RNF6: variants seen among roughly 807,000 people sequenced by gnomAD.
RNF6 encodes ring finger protein 6.
In RNF6, 21 loss-of-function variants were observed where a neutral mutation model predicts 50.1. The ratio of observed to expected loss-of-function variants is 0.42; its 90% CI spans 0.30 to 0.60. The LOEUF (loss-of-function observed/expected upper bound fraction) is 0.60, where lower values mean the gene tolerates loss of function less well. Ranked by LOEUF, RNF6 falls within the 20% of genes least tolerant of loss-of-function variation. RNF6 has a pLI of 0.20. For missense variants in RNF6, 698 were observed against 838.2 expected, an observed-to-expected ratio of 0.83 and a Z score of 2.07; for synonymous variants, 255 against 291.8, an observed-to-expected ratio of 0.87 and a Z score of 1.29.
rs530313740 is a variant in RNF6, at chr13:26,197,843, G to A, written n.768+17631C>T. On this transcript the variant is annotated intron_variant and non_coding_transcript_variant, in intron 5 of 5. Coordinates refer to the RNF6 transcript ENST00000468480. ...GACTGAGACCATCCTGGCTAACATG[G>A]TGAAACCCCGTCTGTTCTCTGATCA... Among the ~76,000 whole-genome samples the A allele has an allele frequency of 7.5e-4, 114 of 151,884 alleles. 1 individual carries two copies. Among genetic ancestry groups the A allele is most frequent in the Middle Eastern group, 3.4e-3 (1 of 294 alleles).
At chr13:26,176,437 G>A (rs1449805334) in intron 5 of RNF6, among the ~76,000 whole-genome samples, 1 of 152,160 alleles carries the variant, frequency 6.6e-6, no homozygotes, top group Non-Finnish European at 1.5e-5. Context: ...TTACAGGCAT[G>A]AGCCACTCCA....
intron 3 of RNF6, 172 bp downstream of exon 3, chr13:26,219,285 G>A: frequency 1.8e-6 from 1 of 550,618 alleles, no homozygotes; most frequent in South Asian, 3.3e-5. Flanking sequence ...ATAAAATACA[G>A]AAGCCAGTGA....
intron 5 of RNF6, among the ~76,000 whole-genome samples, chr13:26,163,858 T>C (rs903808701): frequency 6.6e-6 from 1 of 152,232 alleles, no homozygotes. Context: ...GGTTTTATTC[T>C]GACCCTGCCG....
At chr13:26,177,053 G>A (rs955246045) in intron 5 of RNF6, among the ~76,000 whole-genome samples, 1 of 152,174 alleles carries the variant, frequency 6.6e-6, no homozygotes, top group Non-Finnish European at 1.5e-5. Flanking sequence ...AAGCCAAGAA[G>A]GAAAGATCGG....
chr13:26,190,087 C>A (rs555756318), intron 5 of RNF6, among the ~76,000 whole-genome samples: 2 of 152,270 alleles, frequency 1.3e-5, no homozygotes, highest in Admixed American at 6.5e-5. Flanking sequence ...AGAGGTAAAT[C>A]TTTTCCTTGC....
chr13:26,171,863 G>A (rs2137634673), intron 5 of RNF6, among the ~76,000 whole-genome samples: 1 of 152,232 alleles, frequency 6.6e-6, no homozygotes, highest in East Asian at 1.9e-4. Context: ...AATTCATAGA[G>A]ACAGAAAAAG....
chr13:26,206,752 A>G lies in RNF6; in HGVS notation n.768+8722T>C, dbSNP rs533190953. 2.2e-4 allele frequency among the ~76,000 whole-genome samples: 33 copies of G among 152,200 alleles called. No homozygotes were observed. In the South Asian group the frequency reaches 5.4e-3, roughly 25 times the overall value. On this transcript the variant is annotated intron_variant and non_coding_transcript_variant, in intron 5 of 5. Coordinates refer to the RNF6 transcript ENST00000468480. ...ACTTCTATGCATTTGCTTATTACAT[A>G]TATATTGAGGGACCTACTATGTACC...
chr13:26,191,381 C>G (rs796548170), intron 5 of RNF6, among the ~76,000 whole-genome samples: 43 of 152,320 alleles, frequency 2.8e-4, no homozygotes, highest in African/African-American at 9.6e-4. Context: ...GTGGAGCCTA[C>G]ATTCTAGTGC....
intron 1 of RNF6, 141 bp from the exon 2 acceptor site, chr13:26,221,471 C>T (rs1196082505): frequency 6.6e-6 from 1 of 152,166 alleles, no homozygotes; most frequent in Non-Finnish European, 1.5e-5. Flanking sequence ...AAAATTAGAT[C>T]CCCATACAAT....
rs577034948 is a variant in RNF6, at chr13:26,206,708, G to A, written n.768+8766C>T. The stretch of plus-strand genomic sequence containing the variant: ...AATGTAGAAGCTATTTGTAAGCCAG[G>A]CTGTAACTATATACTGAAACTTCTA... On this transcript the variant is annotated intron_variant and non_coding_transcript_variant, in intron 5 of 5. Transcript: ENST00000468480. Among the ~76,000 whole-genome samples, 8 of 152,164 alleles carry A rather than the reference G, an allele frequency of 5.3e-5. No homozygotes were observed. In the South Asian group the frequency reaches 1.7e-3, roughly 32 times the overall value.
intron 5 of RNF6, among the ~76,000 whole-genome samples, chr13:26,201,864 TC>T (rs779176418): frequency 5.9e-5 from 9 of 152,282 alleles, no homozygotes; most frequent in Middle Eastern, 3.4e-3. Flanking sequence ...TTTGGTTTCA[TC>T]CTTTGAGAGC....
chr13:26,188,724 A>G (rs2057564), intron 5 of RNF6, among the ~76,000 whole-genome samples: 38,544 of 139,422 alleles, frequency 0.28, 5,614 homozygotes, highest in East Asian at 0.47. Flanking sequence ...CTGCCTCTTC[A>G]GTTCAAGCAC....
rs1870269492 is a variant in RNF6, at chr13:26,219,641, C to T, written c.9G>A (p.Gln3=). ...TGCCACCATCTGATCTCGATCTAGA[C>T]TGATTCATCCTGAGATTCCTGGCTT... MN[Q]SRSRSDGGSE... is the part of the protein sequence containing the mutation. Residue 3 remains glutamine, a synonymous_variant, in exon 3 of 5, where the codon CAG becomes CAA. Transcript: ENST00000381588. 1 of 1,612,656 alleles carries T rather than the reference C, an allele frequency of 6.2e-7. No individual in the cohort carries two copies. Among genetic ancestry groups the T allele is most frequent in the African/African-American group, 1.3e-5 (1 of 74,878 alleles).
At chr13:26,183,900 T>A (rs1324789685) in intron 5 of RNF6, among the ~76,000 whole-genome samples, 3 of 2,640 alleles carry the variant, frequency 1.1e-3, no homozygotes, top group Admixed American at 6.2e-3. Flanking sequence ...TTATACTTAT[T>A]TATATATGTA....
At chr13:26,181,394 A>G (rs1196398148) in intron 5 of RNF6, among the ~76,000 whole-genome samples, 1 of 152,200 alleles carries the variant, frequency 6.6e-6, no homozygotes, top group East Asian at 1.9e-4. Context: ...CTAGTCACTC[A>G]GTTGGCATTC....
intron 5 of RNF6, among the ~76,000 whole-genome samples, chr13:26,164,048 G>T (rs931730318): frequency 4.6e-5 from 7 of 152,098 alleles, no homozygotes; most frequent in African/African-American, 1.7e-4. Flanking sequence ...CTAAAAATTC[G>T]ATTTGTATGT....
chr13:26,211,479 C>G (rs1869319465), downstream of RNF6, among the ~76,000 whole-genome samples: 1 of 152,154 alleles, frequency 6.6e-6, no homozygotes, highest in Non-Finnish European at 1.5e-5. Flanking sequence ...AATAAACGGG[C>G]CAGGCATGGT....
exon 6 of RNF6, chr13:26,132,296 A>C (rs186999607): frequency 2.9e-6 from 1 of 342,224 alleles, no homozygotes; most frequent in African/African-American, 2.1e-5. Flanking sequence ...AAAGAAAAAA[A>C]ACTGTTTGTG....
At chr13:26,170,177 A>G (rs1872629429) in intron 5 of RNF6, among the ~76,000 whole-genome samples, 1 of 151,960 alleles carries the variant, frequency 6.6e-6, no homozygotes, top group African/African-American at 2.4e-5. Flanking sequence ...GCTTTAGATA[A>G]TGGTGGGCCA....
Sources: gnomAD v4.1 joint callset for allele counts (sites outside exome capture counted in the v4.1 genomes callset) on GRCh38, gnomAD v4.1.1 for gene constraint, MANE v1.5 for transcripts, NCBI Gene and HGNC (gene_info 2026-07-23, HGNC 2026-07-21) for gene names.